Variants in ZNF804B observed in about 807,000 individuals in gnomAD.
ZNF804B encodes the protein zinc finger 804B.
A neutral mutation model predicts 101.4 loss-of-function variants in ZNF804B; 80 were observed. That is an observed-to-expected ratio of 0.79 (90% confidence interval 0.66 to 0.95). The LOEUF (loss-of-function observed/expected upper bound fraction) is 0.95, where lower values mean the gene tolerates loss of function less well. ZNF804B is among the 40% of genes least tolerant of loss of function. The probability of loss-of-function intolerance (pLI) is 0.00; values close to 1 mark genes in which losing one functional copy is unlikely to be tolerated. For synonymous variants in ZNF804B, 622 were observed against 558.8 expected (o/e 1.11, Z -1.59); for missense variants, 1,673 against 1,561.9 (o/e 1.07, Z -1.20).
chr7:89,314,242 A>G (rs1210133825), intron 2 of ZNF804B, among the ~76,000 whole-genome samples: 1 of 152,214 alleles, frequency 6.6e-6, no homozygotes. Flanking sequence ...ATTTAAGACA[A>G]GAAAGACCAT....
At chr7:88,895,661 T>C (rs1792273711) in intron 1 of ZNF804B, among the ~76,000 whole-genome samples, 2 of 152,158 alleles carry the variant, frequency 1.3e-5, no homozygotes. Context: ...AAGATGAGAC[T>C]ATCCTGTCTT....
chr7:88,779,636 G>A (rs560163878), intron 1 of ZNF804B, among the ~76,000 whole-genome samples: 2 of 139,190 alleles, frequency 1.4e-5, no homozygotes, highest in East Asian at 2.3e-4. Flanking sequence ...ATTAAAGATC[G>A]AACTTTAACT....
At chr7:88,919,467 C>G (rs1225662334) in intron 1 of ZNF804B, among the ~76,000 whole-genome samples, 1 of 152,066 alleles carries the variant, frequency 6.6e-6, no homozygotes, top group African/African-American at 2.4e-5. Flanking sequence ...CTTTTTAAAG[C>G]AAGACACTTT....
At chr7:89,078,315 T>G (rs1007605676) in intron 1 of ZNF804B, among the ~76,000 whole-genome samples, 1 of 152,066 alleles carries the variant, frequency 6.6e-6, no homozygotes, top group African/African-American at 2.4e-5. Flanking sequence ...TGCTAAGCTT[T>G]ATCTCCCTTT....
chr7:88,927,489 A>G (rs921769396), intron 1 of ZNF804B, among the ~76,000 whole-genome samples: 1 of 152,176 alleles, frequency 6.6e-6, no homozygotes, highest in Non-Finnish European at 1.5e-5. Context: ...GAGCATGCAT[A>G]GAGAACTGCT....
intron 1 of ZNF804B, among the ~76,000 whole-genome samples, chr7:88,955,605 G>T (rs1793293770): frequency 6.6e-6 from 1 of 151,222 alleles, no homozygotes. Context: ...GCCTATTTTT[G>T]GATATTAAAC....
At chr7:89,022,130 G>A (rs1407181828) in intron 1 of ZNF804B, among the ~76,000 whole-genome samples, 1 of 152,094 alleles carries the variant, frequency 6.6e-6, no homozygotes, top group Non-Finnish European at 1.5e-5. Flanking sequence ...GTAGAGGCAG[G>A]ATGGCTCATT....
At chr7:89,176,038 G>A (rs1185011402) in intron 1 of ZNF804B, among the ~76,000 whole-genome samples, 1 of 151,912 alleles carries the variant, frequency 6.6e-6, no homozygotes, top group African/African-American at 2.4e-5. Context: ...CAAGTTTGGA[G>A]GCTCTCAATT....
chr7:89,076,143 A>G (rs1443269359), intron 1 of ZNF804B, among the ~76,000 whole-genome samples: 1 of 152,178 alleles, frequency 6.6e-6, no homozygotes. Flanking sequence ...TAAGACTTTG[A>G]GAAACCGTTG....
chr7:89,313,345 A>C (rs1305427918), intron 2 of ZNF804B, among the ~76,000 whole-genome samples: 1 of 152,218 alleles, frequency 6.6e-6, no homozygotes, highest in Non-Finnish European at 1.5e-5. Flanking sequence ...GGATCTGTAG[A>C]TGAAATGTGC....
At chr7:88,937,531 G>T (rs966187626) in intron 1 of ZNF804B, among the ~76,000 whole-genome samples, 3 of 152,052 alleles carry the variant, frequency 2.0e-5, no homozygotes, top group Non-Finnish European at 4.4e-5. Context: ...AAGTTTTGAA[G>T]TTATGTTAAC....
chr7:88,817,050 C>T (rs992133609), intron 1 of ZNF804B, among the ~76,000 whole-genome samples: 84 of 151,840 alleles, frequency 5.5e-4, no homozygotes, highest in Non-Finnish European at 1.0e-3. Context: ...TACTATGCAG[C>T]CATAAAAAAT....
chr7:89,227,697 A>T (rs559282370), intron 2 of ZNF804B, among the ~76,000 whole-genome samples: 1 of 152,258 alleles, frequency 6.6e-6, no homozygotes, highest in South Asian at 2.1e-4. Context: ...CCATAGAGCC[A>T]TCTCTCTGAG....
chr7:88,982,964 T>C (rs1460954885), intron 1 of ZNF804B, among the ~76,000 whole-genome samples: 3 of 152,068 alleles, frequency 2.0e-5, no homozygotes, highest in Non-Finnish European at 4.4e-5. Context: ...TACTAAGCTT[T>C]AGGTGGAAGA....
At chr7:89,280,633 G>A (rs951272970) in intron 2 of ZNF804B, among the ~76,000 whole-genome samples, 2 of 152,166 alleles carry the variant, frequency 1.3e-5, no homozygotes, top group Non-Finnish European at 2.9e-5. Flanking sequence ...ACACCTCTAT[G>A]CAAATAAACT....
intron 1 of ZNF804B, among the ~76,000 whole-genome samples, chr7:89,156,264 C>T (rs1790973975): frequency 6.6e-6 from 1 of 151,914 alleles, no homozygotes; most frequent in African/African-American, 2.4e-5. Context: ...CAGCCATGAG[C>T]CATCACACCT....
At chr7:89,241,893 CTTT>C (rs76245356) in intron 2 of ZNF804B, among the ~76,000 whole-genome samples, 1 of 133,622 alleles carries the variant, frequency 7.5e-6, no homozygotes. Context: ...CTACCTTTTT[CTTT>C]TTTTTTTTTT....
intron 1 of ZNF804B, among the ~76,000 whole-genome samples, chr7:89,190,330 C>T (rs947154186): frequency 1.1e-4 from 15 of 137,244 alleles, no homozygotes; most frequent in African/African-American, 3.1e-4. Flanking sequence ...AGCAAAACTC[C>T]GTCTTAAAAA....
At chr7:89,092,284 G>A (rs1295518192) in intron 1 of ZNF804B, among the ~76,000 whole-genome samples, 1 of 151,558 alleles carries the variant, frequency 6.6e-6, no homozygotes, top group East Asian at 2.0e-4. Context: ...CCTTCTAAAA[G>A]CATTGCTTTA....
Sources: gnomAD v4.1 joint callset for allele counts (sites outside exome capture counted in the v4.1 genomes callset) on GRCh38, gnomAD v4.1.1 for gene constraint, MANE v1.5 for transcripts, NCBI Gene and HGNC (gene_info 2026-07-23, HGNC 2026-07-21) for gene names.